Variants in IL2RB observed in about 807,000 individuals in gnomAD.
The protein encoded by IL2RB is interleukin 2 receptor subunit beta, also known as interleukin-2 receptor subunit beta.
A neutral mutation model predicts 44.2 loss-of-function variants in IL2RB; 17 were observed. The ratio of observed to expected loss-of-function variants is 0.38; its 90% CI spans 0.26 to 0.58. The LOEUF (loss-of-function observed/expected upper bound fraction) is 0.58. Ranked by LOEUF, IL2RB falls within the 20% of genes least tolerant of loss-of-function variation. The probability of loss-of-function intolerance (pLI) is 0.63; values close to 1 mark genes in which losing one functional copy is unlikely to be tolerated. For synonymous variants in IL2RB, 286 were observed against 297.9 expected (o/e 0.96, Z 0.41); for missense variants, 624 against 685.5 (o/e 0.91, Z 1.00).
intron 1 of IL2RB, among the ~76,000 whole-genome samples, chr22:37,165,669 G>C (rs1224331860): frequency 6.6e-6 from 1 of 151,718 alleles, no homozygotes; most frequent in African/African-American, 2.4e-5. Flanking sequence ...GGAGAAGAGG[G>C]CTTTTTTTAA....
intron 1 of IL2RB, among the ~76,000 whole-genome samples, chr22:37,156,503 T>C (rs1297688650): frequency 1.3e-5 from 2 of 152,194 alleles, no homozygotes; most frequent in African/African-American, 4.8e-5. Flanking sequence ...TAGGGTCTCT[T>C]CAATATCCTT....
intron 1 of IL2RB, among the ~76,000 whole-genome samples, chr22:37,147,793 G>T (rs1030005152): frequency 5.9e-5 from 9 of 152,266 alleles, no homozygotes; most frequent in Non-Finnish European, 1.3e-4. Context: ...CTCCACAGGA[G>T]GGTGAGCTCC....
intron 1 of IL2RB, among the ~76,000 whole-genome samples, chr22:37,162,753 AC>A (rs1242119148): frequency 6.6e-6 from 1 of 151,944 alleles, no homozygotes; most frequent in African/African-American, 2.4e-5. Flanking sequence ...CAGAGATCCT[AC>A]CACATGCCAG....
In IL2RB at chr22:37,132,446, T is replaced by A. The variant is rs369612891; in HGVS notation, c.841A>T (p.Asn281Tyr). The change falls in exon 9 of 10, where the codon AAC (asparagine) becomes TAC (tyrosine). Residue 281 changes from asparagine (N) to tyrosine (Y), a missense_variant. By Grantham distance (143) the Asn-to-Tyr change is moderately radical (BLOSUM62 -2). This residue lies in a region of IL2RB where 255 missense variants were observed against 339.9 expected (regional missense o/e 0.75). Transcript: ENST00000216223. ...GPWLKKVLKC[N>Y]TPDPSKFFSQ... ...AAGAACTTCGAGGGGTCTGGGGTGTTACACTTCAGGACCTTCTTCAGCCTG... is the reference window on the plus strand; with the variant it reads ...AAGAACTTCGAGGGGTCTGGGGTGTAACACTTCAGGACCTTCTTCAGCCTG... The A allele has an allele frequency of 6.2e-7, 1 of 1,614,034 alleles. No homozygotes were observed. Among genetic ancestry groups the A allele is most frequent in the Non-Finnish European group, 8.5e-7 (1 of 1,179,966 alleles).
Position 37,136,326 on chromosome 22 carries a change from G to T in IL2RB, c.605C>A (p.Thr202Asn), listed in dbSNP as rs759456562. 5.0e-6 allele frequency: 8 copies of T among 1,613,206 alleles called. No individual in the cohort carries two copies. The South Asian group carries it at 5.5e-5, about 11-fold the overall frequency. ...GACCCGCACCTGAAACTCATACTGG[G>T]TGTCTGGGGTGAGCGTCTCCAGGCA... Reference protein sequence around the residue: ...WICLETLTPDTQYEFQVRVKP... With the variant: ...WICLETLTPDNQYEFQVRVKP... The change falls in exon 7 of 10, where the codon ACC becomes AAC. Residue 202 changes from threonine to asparagine, a missense_variant. By Grantham distance (65) the Thr-to-Asn change is moderately conservative. Coordinates refer to ENST00000216223, the MANE Select transcript of IL2RB (RefSeq NM_000878.5).
At chr22:37,168,089 A>G (rs1357593066) in intron 1 of IL2RB, among the ~76,000 whole-genome samples, 1 of 152,242 alleles carries the variant, frequency 6.6e-6, no homozygotes, top group African/African-American at 2.4e-5. Flanking sequence ...ACAAGTATGC[A>G]AATGATTATA....
chr22:37,136,511 C>T (rs1482768002), intron 6 of IL2RB, 118 bp from the exon 7 acceptor site: 1 of 1,133,396 alleles, frequency 8.8e-7, no homozygotes, highest in East Asian at 2.6e-5. Context: ...TCCTTGCCAC[C>T]CAAAGCTCCC....
chr22:37,171,290 CT>C (rs1412021066), intron 1 of IL2RB, among the ~76,000 whole-genome samples: 5 of 152,170 alleles, frequency 3.3e-5, no homozygotes, highest in Non-Finnish European at 5.9e-5. Flanking sequence ...GCCTCACGCT[CT>C]TTCATTCAAA....
chr22:37,174,418 G>A (rs1022046511), intron 1 of IL2RB, among the ~76,000 whole-genome samples: 1 of 152,144 alleles, frequency 6.6e-6, no homozygotes, highest in African/African-American at 2.4e-5. Context: ...CTTCAGCTGG[G>A]GAACCGTATA....
rs950485910 is a variant in IL2RB, at chr22:37,132,420, A to G, written c.867T>C (p.Phe289=). The part of the protein sequence containing the change: ...KCNTPDPSKF[F]SQLSSEHGGD... ...CTCCATGCTCTGAGCTCAGCTGGGA[A>G]AAGAACTTCGAGGGGTCTGGGGTGT... Residue 289 remains phenylalanine (F), a synonymous_variant, in exon 9 of 10, where the codon TTT becomes TTC. Transcript: ENST00000216223. The G allele has an allele frequency of 6.2e-7, 1 of 1,613,990 alleles. No homozygotes were observed. The highest frequency in any genetic ancestry group is 1.3e-5 in the African/African-American group (1 of 74,908).
intron 1 of IL2RB, among the ~76,000 whole-genome samples, chr22:37,169,510 G>A (rs980699454): frequency 4.6e-5 from 7 of 152,126 alleles, no homozygotes; most frequent in Admixed American, 3.9e-4. Context: ...ACTCTTCAGG[G>A]GCTCCCCACT....
Position 37,127,970 on chromosome 22 carries a change from G to C in IL2RB, c.*126C>G, listed in dbSNP as rs1017813626. 18 of 727,268 alleles carry C rather than the reference G, an allele frequency of 2.5e-5. No homozygotes were observed. The African/African-American group carries it at 3.3e-4, about 14-fold the overall frequency. 45.1% of individuals were successfully genotyped at this position (727,268 alleles called of 1,614,324 possible). A position where few individuals can be genotyped will look rare whatever the true frequency, so the allele number is the denominator to read the frequency against. ...TGCAGGACTGGGTGGGGGCCATCCGGGTGGAGAAGTCCAGCTGCAACTGGA... is the reference window on the plus strand; with the variant it reads ...TGCAGGACTGGGTGGGGGCCATCCGCGTGGAGAAGTCCAGCTGCAACTGGA... On this transcript the variant is annotated 3_prime_UTR_variant, in exon 10 of 10. Coordinates refer to ENST00000216223, the MANE Select transcript of IL2RB (RefSeq NM_000878.5).
In IL2RB at chr22:37,141,678, A is replaced by G. The variant is rs1346385777; in HGVS notation, c.282+756T>C. Among the ~76,000 whole-genome samples, 1 of 152,150 alleles carries G rather than the reference A, an allele frequency of 6.6e-6. No homozygotes were observed. Among genetic ancestry groups the G allele is most frequent in the African/African-American group, 2.4e-5 (1 of 41,440 alleles). On this transcript the variant is annotated intron_variant, in intron 4 of 9. Coordinates refer to ENST00000216223, the MANE Select transcript of IL2RB (RefSeq NM_000878.5). The surrounding 1 kb of genome is among the most constrained non-coding windows in gnomAD (Gnocchi z 4.4). Reference sequence around the variant, plus strand: ...TCTCAGAGCGGGACCAAGCCCAGGCACTACCACAGCCTGGCACGCTCGAGG... The same window carrying G: ...TCTCAGAGCGGGACCAAGCCCAGGCGCTACCACAGCCTGGCACGCTCGAGG...
chr22:37,163,451 C>T (rs1413732378), intron 1 of IL2RB, among the ~76,000 whole-genome samples: 2 of 152,126 alleles, frequency 1.3e-5, no homozygotes, highest in Non-Finnish European at 2.9e-5. Flanking sequence ...ATGGGGGGGC[C>T]GCTTCTAGAA....
intron 5 of IL2RB, among the ~76,000 whole-genome samples, chr22:37,138,435 T>A (rs763453693): frequency 6.6e-6 from 1 of 152,206 alleles, no homozygotes; most frequent in African/African-American, 2.4e-5. Context: ...GCCAGTCAGA[T>A]CACATCCAGT....
Position 37,142,526 on chromosome 22 carries a change from AG to A in IL2RB, c.204-15del, listed in dbSNP as rs745430406. 6.2e-7 allele frequency: 1 copy of A among 1,613,708 alleles called. No homozygotes were observed. The highest frequency in any genetic ancestry group is 8.5e-7 in the Non-Finnish European group (1 of 1,179,598). On this transcript the variant is annotated splice_polypyrimidine_tract_variant and intron_variant, in intron 3 of 9. Coordinates refer to ENST00000216223, the MANE Select transcript of IL2RB (RefSeq NM_000878.5). ...TGGTTCCACCGCCTTTCATGGCAAA[AG>A]ACCCTCTTTAGAAGAACAGGAAGGA...
intron 1 of IL2RB, among the ~76,000 whole-genome samples, chr22:37,164,921 T>C (rs1601613647): frequency 2.0e-5 from 3 of 151,918 alleles, no homozygotes; most frequent in African/African-American, 7.2e-5. Context: ...TTCAAGAGCA[T>C]CAGCATTCCC....
intron 5 of IL2RB, 21 bp from the exon 6 acceptor site, chr22:37,137,756 G>A (rs760228358): frequency 6.2e-6 from 10 of 1,608,658 alleles, no homozygotes; most frequent in East Asian, 2.2e-5. Context: ...CAGGGGGTAG[G>A]GGAGAGCAGT....
At chr22:37,129,742 C>T (rs1178879031) in intron 9 of IL2RB, among the ~76,000 whole-genome samples, 4 of 152,244 alleles carry the variant, frequency 2.6e-5, no homozygotes, top group African/African-American at 9.6e-5. Context: ...ACGGGTAAGA[C>T]ACAGACTGCA....
Sources: gnomAD v4.1 joint callset for allele counts (sites outside exome capture counted in the v4.1 genomes callset) on GRCh38, gnomAD v4.1.1 for gene constraint, gnomAD v4.1.1 regional missense constraint, Gnocchi (gnomAD v3.1) non-coding constraint, MANE v1.5 for transcripts, NCBI Gene and HGNC (gene_info 2026-07-23, HGNC 2026-07-21) for gene names.